IRS1: variants seen among roughly 807,000 people sequenced by gnomAD.
IRS1 encodes insulin receptor substrate 1.
In IRS1, 34 loss-of-function variants were observed where a neutral mutation model predicts 65.6. The observed-to-expected ratio is 0.52, with a 90% CI of 0.39 to 0.69. IRS1 has a LOEUF of 0.69. Ranked by LOEUF, IRS1 falls within the 30% of genes least tolerant of loss-of-function variation. IRS1 has a pLI of 0.00. For missense variants in IRS1, 1,641 were observed against 1,720.2 expected, an observed-to-expected ratio of 0.95 and a Z score of 0.81; for synonymous variants, 699 against 683.5, an observed-to-expected ratio of 1.02 and a Z score of -0.35.
At chr2:226,743,482 G>C (rs942216867) in intron 1 of IRS1, among the ~76,000 whole-genome samples, 76 of 152,186 alleles carry the variant, frequency 5.0e-4, no homozygotes, top group African/African-American at 1.8e-3. Flanking sequence ...CACCCGCCTC[G>C]GCCTCTCAAA....
intron 1 of IRS1, among the ~76,000 whole-genome samples, chr2:226,758,674 C>T (rs1938851092): frequency 6.6e-6 from 1 of 151,906 alleles, no homozygotes; most frequent in Non-Finnish European, 1.5e-5. Flanking sequence ...TAAGATATCT[C>T]TATGTGCCTC....
At chr2:226,768,981 T>A (rs1939112449) in intron 1 of IRS1, among the ~76,000 whole-genome samples, 1 of 152,238 alleles carries the variant, frequency 6.6e-6, no homozygotes, top group African/African-American at 2.4e-5. Context: ...AGACAGATGG[T>A]GCCTTCAGTG....
intron 1 of IRS1, among the ~76,000 whole-genome samples, chr2:226,737,523 A>G (rs1938351970): frequency 6.6e-6 from 1 of 152,212 alleles, no homozygotes; most frequent in Non-Finnish European, 1.5e-5. Flanking sequence ...ATACTTGTTG[A>G]ATGAGTACGT....
chr2:226,752,506 G>A (rs1020664800), intron 1 of IRS1, among the ~76,000 whole-genome samples: 3 of 152,154 alleles, frequency 2.0e-5, no homozygotes, highest in Non-Finnish European at 2.9e-5. Context: ...GCCTAACTCT[G>A]GTCTCTAACC....
intron 1 of IRS1, among the ~76,000 whole-genome samples, chr2:226,779,301 T>A (rs1057040311): frequency 1.3e-5 from 2 of 152,266 alleles, no homozygotes; most frequent in Admixed American, 1.3e-4. Flanking sequence ...AACTTTATTT[T>A]CCTGAATAGG....
Position 226,797,817 on chromosome 2 carries a change from T to C in IRS1, c.922A>G (p.Ile308Val), listed in dbSNP as rs2106187056. The change falls in exon 1 of 2, where the codon ATC becomes GTC. Residue 308 changes from isoleucine (I) to valine (V), a missense_variant. This residue lies in a region of IRS1 where 1,324 missense variants were observed against 1,361.0 expected (regional missense o/e 0.97). Coordinates refer to ENST00000305123, the MANE Select transcript of IRS1 (RefSeq NM_005544.3). This position sits in a 1 kb window ranked among gnomAD's most constrained non-coding sequence, Gnocchi z 8.1. ...ATGCTGGCCGGGGAGGTGGCGGTGA[T>C]GCTCTCAGTGCGTGATCGGCGGGTC... ...GLTRRSRTES[I>V]TATSPASMVG... The C allele has an allele frequency of 2.5e-6, 4 of 1,604,408 alleles. No homozygotes were observed. The highest frequency in any genetic ancestry group is 1.1e-5 in the South Asian group (1 of 90,678).
intron 1 of IRS1, among the ~76,000 whole-genome samples, chr2:226,773,111 A>G (rs1434857686): frequency 6.6e-6 from 1 of 152,202 alleles, no homozygotes; most frequent in Non-Finnish European, 1.5e-5. Flanking sequence ...CTAATGACCT[A>G]TGTAACTCTA....
At chr2:226,759,120 C>T (rs560980125) in intron 1 of IRS1, among the ~76,000 whole-genome samples, 2 of 152,176 alleles carry the variant, frequency 1.3e-5, no homozygotes, top group Non-Finnish European at 2.9e-5. Context: ...AGGGATTACA[C>T]AAGCCTCAAA....
At chr2:226,768,873 G>A (rs34459501) in intron 1 of IRS1, among the ~76,000 whole-genome samples, 2,541 of 152,224 alleles carry the variant, frequency 0.017, 35 homozygotes, top group Non-Finnish European at 0.029. Flanking sequence ...CTGACCTCAC[G>A]ATCTGCCTGC....
At chr2:226,786,756 C>T (rs545540600) in intron 1 of IRS1, among the ~76,000 whole-genome samples, 1 of 148,888 alleles carries the variant, frequency 6.7e-6, no homozygotes, top group Non-Finnish European at 1.5e-5. Context: ...GTGAAGAGAC[C>T]CAGCAAGCTA....
intron 1 of IRS1, among the ~76,000 whole-genome samples, chr2:226,760,963 A>G (rs1184102320): frequency 1.3e-5 from 2 of 152,198 alleles, no homozygotes; most frequent in Non-Finnish European, 2.9e-5. Context: ...AATCTTGTGA[A>G]AGTATGATTG....
In IRS1 at chr2:226,796,635, C is replaced by T. The variant is rs761980443; in HGVS notation, c.2104G>A (p.Gly702Arg). The stretch of plus-strand genomic sequence containing the variant: ...ACATGAGAGTGGTGGCCCCCTACCC[C>T]GTTTGTCCACAGCTTTCCATAGCTG... ...GTSYGKLWTNGVGGHHSHVLP... is the reference protein window; with the variant it reads ...GTSYGKLWTNRVGGHHSHVLP... Residue 702 changes from glycine to arginine, a missense_variant, in exon 1 of 2, where the codon GGG becomes AGG. Gly to Arg is a moderately radical substitution (Grantham distance 125, BLOSUM62 -2). This residue lies in a region of IRS1 where 1,324 missense variants were observed against 1,361.0 expected (regional missense o/e 0.97). Coordinates refer to ENST00000305123, the MANE Select transcript of IRS1 (RefSeq NM_005544.3). The T allele has an allele frequency of 1.4e-5, 23 of 1,613,800 alleles. No individual in the cohort carries two copies. The highest frequency in any genetic ancestry group is 6.7e-5 in the East Asian group (3 of 44,854).
At chr2:226,742,623 G>A (rs767274942) in intron 1 of IRS1, among the ~76,000 whole-genome samples, 1 of 151,744 alleles carries the variant, frequency 6.6e-6, no homozygotes, top group Non-Finnish European at 1.5e-5. Flanking sequence ...AGGCCATCTC[G>A]CTCCAGTTCC....
intron 1 of IRS1, among the ~76,000 whole-genome samples, chr2:226,758,912 A>G (rs1305567903): frequency 6.6e-6 from 1 of 152,188 alleles, no homozygotes; most frequent in East Asian, 1.9e-4. Flanking sequence ...GTCTTTCAAG[A>G]CCTTCTTGTA....
intron 1 of IRS1, among the ~76,000 whole-genome samples, chr2:226,739,661 G>C (rs1938397141): frequency 6.6e-6 from 1 of 152,200 alleles, no homozygotes; most frequent in African/African-American, 2.4e-5. Flanking sequence ...TGATGAGTTT[G>C]TTGGAAAGGA....
In IRS1 at chr2:226,796,288, A is replaced by G. The variant is rs1291323793; in HGVS notation, c.2451T>C (p.Gly817=). The change falls in exon 1 of 2, where the codon GGT becomes GGC. Residue 817 remains glycine, a synonymous_variant. Coordinates refer to ENST00000305123, the MANE Select transcript of IRS1 (RefSeq NM_005544.3). The stretch of plus-strand genomic sequence containing the variant: ...CCAGCCTAGCCCCGCAGTATCCCCC[A>G]CCCAGGCTGTCGCTGCTGGTGGAAG... ...SSSSTSSDSL[G]GGYCGARLEP... is the part of the protein sequence containing the mutation. 6.2e-7 allele frequency: 1 copy of G among 1,613,482 alleles called. No homozygotes were observed. Among genetic ancestry groups the G allele is most frequent in the Non-Finnish European group, 8.5e-7 (1 of 1,180,020 alleles).
chr2:226,757,942 G>C (rs920043254), intron 1 of IRS1, among the ~76,000 whole-genome samples: 1 of 152,100 alleles, frequency 6.6e-6, no homozygotes, highest in Non-Finnish European at 1.5e-5. Flanking sequence ...TGTGTTTTTA[G>C]CCCTAAATTT....
intron 1 of IRS1, among the ~76,000 whole-genome samples, chr2:226,778,586 T>C (rs1167443433): frequency 2.0e-5 from 3 of 152,160 alleles, no homozygotes; most frequent in Admixed American, 2.0e-4. Flanking sequence ...GTATATACAT[T>C]ACCACTTTTG....
chr2:226,771,640 C>CTA (rs949304907), intron 1 of IRS1, among the ~76,000 whole-genome samples: 9 of 151,802 alleles, frequency 5.9e-5, no homozygotes, highest in African/African-American at 2.2e-4. Flanking sequence ...ACTTAAACAT[C>CTA]TATATATATG....
Sources: gnomAD v4.1 joint callset for allele counts (sites outside exome capture counted in the v4.1 genomes callset) on GRCh38, gnomAD v4.1.1 for gene constraint, gnomAD v4.1.1 regional missense constraint, Gnocchi (gnomAD v3.1) non-coding constraint, MANE v1.5 for transcripts, NCBI Gene and HGNC (gene_info 2026-07-23, HGNC 2026-07-21) for gene names.